Variants in SPOCK3 observed in about 807,000 individuals in gnomAD.
SPOCK3 encodes the protein testican-3.
A neutral mutation model predicts 56.6 loss-of-function variants in SPOCK3; 30 were observed. The ratio of observed to expected loss-of-function variants is 0.53; its 90% CI spans 0.40 to 0.72. The LOEUF (loss-of-function observed/expected upper bound fraction) is 0.72. SPOCK3 is among the 30% of genes least tolerant of loss of function. The pLI, the probability that SPOCK3 is intolerant of heterozygous loss-of-function variation, is 0.00. For missense variants in SPOCK3, 527 were observed against 530.0 expected, an observed-to-expected ratio of 0.99 and a Z score of 0.06; for synonymous variants, 196 against 183.3, an observed-to-expected ratio of 1.07 and a Z score of -0.56.
At chr4:167,160,035 G>C (rs35335621) in intron 2 of SPOCK3, among the ~76,000 whole-genome samples, 2 of 151,932 alleles carry the variant, frequency 1.3e-5, no homozygotes, top group African/African-American at 4.8e-5. Flanking sequence ...TGGAAGTTCT[G>C]GCCAGGGCAA....
chr4:166,740,736 G>C (rs980820340), intron 9 of SPOCK3, among the ~76,000 whole-genome samples: 2 of 151,994 alleles, frequency 1.3e-5, no homozygotes, highest in Admixed American at 6.6e-5. Context: ...ATATTGGCCA[G>C]GGTGGTCTCG....
At chr4:167,054,369 C>A (rs1754559693) in intron 3 of SPOCK3, among the ~76,000 whole-genome samples, 1 of 152,212 alleles carries the variant, frequency 6.6e-6, no homozygotes, top group East Asian at 1.9e-4. Context: ...TGTTTAAAAT[C>A]TTTATCATGC....
intron 3 of SPOCK3, among the ~76,000 whole-genome samples, chr4:167,005,320 C>T (rs886079193): frequency 7.9e-5 from 12 of 152,042 alleles, no homozygotes; most frequent in Admixed American, 1.3e-4. Context: ...TGCCATTCTC[C>T]TGCCTCAGCC....
At chr4:167,156,858 T>G (rs1433228553) in intron 2 of SPOCK3, among the ~76,000 whole-genome samples, 1 of 152,072 alleles carries the variant, frequency 6.6e-6, no homozygotes, top group Admixed American at 6.6e-5. Flanking sequence ...CAGGGCAAGA[T>G]TTAAAGAAAG....
At chr4:167,065,173 G>A (rs1038343252) in intron 2 of SPOCK3, among the ~76,000 whole-genome samples, 1 of 151,604 alleles carries the variant, frequency 6.6e-6, no homozygotes, top group Non-Finnish European at 1.5e-5. Flanking sequence ...GCTACCAGTG[G>A]CAACACCCAA....
chr4:167,067,996 A>C (rs1398118191), intron 2 of SPOCK3, among the ~76,000 whole-genome samples: 2 of 151,804 alleles, frequency 1.3e-5, no homozygotes, highest in Non-Finnish European at 2.9e-5. Flanking sequence ...CCCCAAAATG[A>C]ATACCTCACT....
At chr4:166,909,265 A>T (rs1736988186) in intron 5 of SPOCK3, among the ~76,000 whole-genome samples, 1 of 152,028 alleles carries the variant, frequency 6.6e-6, no homozygotes, top group Non-Finnish European at 1.5e-5. Context: ...AATTATTCAA[A>T]ATTGGTCACA....
intron 4 of SPOCK3, among the ~76,000 whole-genome samples, chr4:166,974,811 TTAGAAATCTTTGTGTTATGG>T (rs1309682515): frequency 6.6e-6 from 1 of 152,214 alleles, no homozygotes; most frequent in Admixed American, 6.5e-5. Context: ...TATCATTCAG[TTAGAAATCTTTGTGTTATGG>T]TTTGAATGTT....
At chr4:167,104,899 C>A (rs1157310736) in intron 2 of SPOCK3, among the ~76,000 whole-genome samples, 1 of 150,256 alleles carries the variant, frequency 6.7e-6, no homozygotes, top group Non-Finnish European at 1.5e-5. Flanking sequence ...GCAGACTTTT[C>A]ACTGGAAACC....
chr4:167,101,700 C>T (rs1580293396), intron 2 of SPOCK3, among the ~76,000 whole-genome samples: 2 of 149,540 alleles, frequency 1.3e-5, no homozygotes, highest in African/African-American at 4.9e-5. Context: ...ATCTTCAATT[C>T]ATAATTCTTA....
chr4:166,835,914 G>A lies in SPOCK3; in HGVS notation c.590-43625C>T, dbSNP rs1398566283. 3.3e-5 allele frequency among the ~76,000 whole-genome samples: 5 copies of A among 152,148 alleles called. No individual in the cohort carries two copies. The East Asian group carries it at 9.6e-4, about 29-fold the overall frequency. ...CCAGCTACTCAGGAGGCTGAGGCAG[G>A]AGAATCGCTTGAACCTGGGAAGTGG... On this transcript the variant is annotated intron_variant, in intron 6 of 10. Coordinates refer to ENST00000357545, the MANE Select transcript of SPOCK3 (RefSeq NM_001040159.2).
intron 2 of SPOCK3, among the ~76,000 whole-genome samples, chr4:167,108,342 G>C (rs1760358326): frequency 1.3e-5 from 2 of 151,878 alleles, no homozygotes; most frequent in African/African-American, 2.4e-5. Context: ...ATATAGAAGA[G>C]ATATCTCCAC....
intron 7 of SPOCK3, among the ~76,000 whole-genome samples, chr4:166,761,967 G>A (rs1737299133): frequency 6.6e-6 from 1 of 151,610 alleles, no homozygotes; most frequent in African/African-American, 2.4e-5. Flanking sequence ...AAACTTTTGG[G>A]AATTTGTTAA....
In SPOCK3 at chr4:167,192,236, TTTTC is replaced by T. The variant is rs1732530859; in HGVS notation, c.189+41745_189+41748del. ...ATTCTTCAGGGATATTGGCTTATAA[TTTTC>T]TTTTATTGTAATTTCCTCTTCTGGC... On this transcript the variant is annotated intron_variant, in intron 2 of 10. Coordinates refer to ENST00000357545, the MANE Select transcript of SPOCK3 (RefSeq NM_001040159.2). Among the ~76,000 whole-genome samples the T allele has an allele frequency of 1.4e-5, 2 of 146,040 alleles. 1 individual carries two copies. Among genetic ancestry groups the T allele is most frequent in the Non-Finnish European group, 3.0e-5 (2 of 66,848 alleles).
At chr4:167,151,489 C>CA (rs2150417213) in intron 2 of SPOCK3, among the ~76,000 whole-genome samples, 1 of 146,158 alleles carries the variant, frequency 6.8e-6, no homozygotes, top group Admixed American at 7.0e-5. Context: ...GGCTGGAGTG[C>CA]AGTGGCATGA....
intron 2 of SPOCK3, among the ~76,000 whole-genome samples, chr4:167,194,653 T>C (rs778711443): frequency 9.2e-5 from 14 of 152,324 alleles, no homozygotes; most frequent in African/African-American, 1.4e-4. Flanking sequence ...CTTATTAGTA[T>C]TGAAACCAGG....
intron 6 of SPOCK3, among the ~76,000 whole-genome samples, chr4:166,851,129 G>GCAGA (rs543187886): frequency 0.028 from 4,285 of 152,284 alleles, 203 homozygotes; most frequent in African/African-American, 0.098. Context: ...CTGAGAACTG[G>GCAGA]CAGACTGCCT....
At chr4:166,779,574 A>T (rs1032719166) in intron 7 of SPOCK3, among the ~76,000 whole-genome samples, 5 of 152,102 alleles carry the variant, frequency 3.3e-5, no homozygotes, top group Non-Finnish European at 7.4e-5. Context: ...AAATTATCTA[A>T]TTTGAAAAAA....
In SPOCK3 at chr4:166,739,244, A is replaced by T. The variant is rs1579075355; in HGVS notation, c.995-1640T>A. Among the ~76,000 whole-genome samples the T allele has an allele frequency of 8.6e-5, 13 of 151,772 alleles. No homozygotes were observed. In the South Asian group the frequency reaches 2.5e-3, roughly 29 times the overall value. ...AGTGATGGTGAGCATTTATTTATTT[A>T]TTTATTTATTTTTTGAGACAGAGTC... On this transcript the variant is annotated intron_variant, in intron 9 of 10. Transcript: ENST00000357545.
Sources: allele counts gnomAD v4.1 joint callset (sites outside exome capture counted in the v4.1 genomes callset), GRCh38; gene constraint gnomAD v4.1.1; transcripts MANE v1.5; gene names NCBI Gene and HGNC (gene_info 2026-07-23, HGNC 2026-07-21).